Variants in SGCZ observed in about 807,000 individuals in gnomAD.
The protein encoded by SGCZ is zeta-sarcoglycan.
In SGCZ, 40 loss-of-function variants were observed where a neutral mutation model predicts 41.3. The ratio of observed to expected loss-of-function variants is 0.97; its 90% CI spans 0.75 to 1.26. The LOEUF (loss-of-function observed/expected upper bound fraction) is 1.26, where lower values mean the gene tolerates loss of function less well. SGCZ is among the 50% of genes most tolerant of loss of function. The pLI is 0.00. For synonymous variants in SGCZ, 206 were observed against 137.5 expected (o/e 1.50, Z -3.49); for missense variants, 552 against 369.8 (o/e 1.49, Z -4.04).
intron 1 of SGCZ, among the ~76,000 whole-genome samples, chr8:14,902,005 T>A (rs1798986143): frequency 6.6e-6 from 1 of 152,186 alleles, no homozygotes; most frequent in African/African-American, 2.4e-5. Context: ...ATATCACTAA[T>A]TGTAATTAAC....
intron 4 of SGCZ, among the ~76,000 whole-genome samples, chr8:14,174,227 T>G (rs2117006985): frequency 6.6e-6 from 1 of 152,226 alleles, no homozygotes; most frequent in South Asian, 2.1e-4. Flanking sequence ...AAAGACATAC[T>G]ATCAAACTAC....
intron 1 of SGCZ, among the ~76,000 whole-genome samples, chr8:14,973,839 T>A (rs535779812): frequency 6.6e-6 from 1 of 152,336 alleles, no homozygotes; most frequent in East Asian, 1.9e-4. Flanking sequence ...GGAGTTCTTG[T>A]TGATTTATTT....
chr8:14,707,886 G>C (rs145682869), intron 1 of SGCZ, among the ~76,000 whole-genome samples: 3,755 of 152,044 alleles, frequency 0.025, 69 homozygotes, highest in Non-Finnish European at 0.04. Context: ...ATTAACAATA[G>C]CATGCAATCA....
intron 4 of SGCZ, among the ~76,000 whole-genome samples, chr8:14,182,245 G>A (rs376550915): frequency 6.6e-6 from 1 of 152,290 alleles, no homozygotes; most frequent in Non-Finnish European, 1.5e-5. Flanking sequence ...AAGGGCATAT[G>A]TCCACTGATT....
chr8:15,048,400 T>C (rs1326004104), intron 1 of SGCZ, among the ~76,000 whole-genome samples: 10 of 151,978 alleles, frequency 6.6e-5, no homozygotes, highest in Non-Finnish European at 1.5e-4. Context: ...AAGGAATAAG[T>C]TCTAGTGTTC....
chr8:15,026,727 C>A (rs1803472025), intron 1 of SGCZ, among the ~76,000 whole-genome samples: 1 of 152,148 alleles, frequency 6.6e-6, no homozygotes, highest in Non-Finnish European at 1.5e-5. Flanking sequence ...CCATGAACAA[C>A]CCAGAATTGT....
chr8:14,695,019 G>C (rs533014630), intron 1 of SGCZ, among the ~76,000 whole-genome samples: 1 of 152,266 alleles, frequency 6.6e-6, no homozygotes, highest in South Asian at 2.1e-4. Context: ...AGGGATAAAA[G>C]AGCAGAGACT....
At chr8:14,197,586 A>G (rs1805306913) in intron 4 of SGCZ, among the ~76,000 whole-genome samples, 1 of 152,142 alleles carries the variant, frequency 6.6e-6, no homozygotes, top group Admixed American at 6.6e-5. Context: ...ACCTAGAGAA[A>G]AAGCTTCTGT....
chr8:14,832,682 A>G (rs1364648093), intron 1 of SGCZ, among the ~76,000 whole-genome samples: 1 of 152,180 alleles, frequency 6.6e-6, no homozygotes, highest in Non-Finnish European at 1.5e-5. Flanking sequence ...TCAGGGCCAG[A>G]GTATATGGGT....
At chr8:14,225,755 C>T (rs2054420) in intron 4 of SGCZ, among the ~76,000 whole-genome samples, 90,653 of 151,840 alleles carry the variant, frequency 0.6, 27,382 homozygotes, top group East Asian at 0.75. Context: ...CAATGATGGC[C>T]ACCTCAACTG....
intron 4 of SGCZ, among the ~76,000 whole-genome samples, chr8:14,185,334 C>G (rs775571990): frequency 6.6e-6 from 1 of 151,818 alleles, no homozygotes; most frequent in African/African-American, 2.4e-5. Flanking sequence ...ACCAGGGAGG[C>G]GTAGGTTGCA....
chr8:14,213,973 G>T (rs923667326), intron 4 of SGCZ, among the ~76,000 whole-genome samples: 3 of 152,016 alleles, frequency 2.0e-5, no homozygotes, highest in Non-Finnish European at 4.4e-5. Flanking sequence ...TGTTCAACAT[G>T]TTCATAGCAA....
intron 2 of SGCZ, among the ~76,000 whole-genome samples, chr8:14,544,599 C>T (rs1157622710): frequency 6.6e-6 from 1 of 152,016 alleles, no homozygotes; most frequent in Non-Finnish European, 1.5e-5. Flanking sequence ...ATGGGAATGT[C>T]TGTCTTGTGC....
intron 2 of SGCZ, among the ~76,000 whole-genome samples, chr8:14,479,000 G>C (rs1348875393): frequency 6.6e-6 from 1 of 152,124 alleles, no homozygotes; most frequent in Admixed American, 6.6e-5. Flanking sequence ...CTGTGACTAG[G>C]TCCTGTCTCC....
At chr8:14,338,567 T>C (rs1343561696) in intron 2 of SGCZ, among the ~76,000 whole-genome samples, 1 of 152,222 alleles carries the variant, frequency 6.6e-6, no homozygotes, top group Non-Finnish European at 1.5e-5. Flanking sequence ...TGCTCCCTGA[T>C]GGAATGTTAT....
intron 1 of SGCZ, among the ~76,000 whole-genome samples, chr8:14,790,214 C>A (rs529421827): frequency 6.6e-6 from 1 of 152,252 alleles, no homozygotes; most frequent in East Asian, 1.9e-4. Context: ...TTAAATATAT[C>A]ATTTACACGA....
intron 2 of SGCZ, among the ~76,000 whole-genome samples, chr8:14,477,718 C>G (rs35809409): frequency 5.9e-5 from 9 of 152,128 alleles, no homozygotes; most frequent in Non-Finnish European, 1.2e-4. Flanking sequence ...TAAGAATATG[C>G]TACTCCAGAC....
chr8:14,269,483 G>A (rs1292771306), intron 3 of SGCZ, among the ~76,000 whole-genome samples: 1 of 151,938 alleles, frequency 6.6e-6, no homozygotes, highest in Non-Finnish European at 1.5e-5. Context: ...AATATATGCA[G>A]CCCTCTGAAG....
rs1803838994 is a variant in SGCZ at position 14,551,528 on chromosome 8, TATATA to T, written c.234+3199_234+3203del. ...TATATTATATATATTATATATAATA[TATATA>T]ATATATATAATATATATAATATATA... On this transcript the variant is annotated intron_variant, in intron 2 of 7. Coordinates refer to ENST00000382080, the MANE Select transcript of SGCZ (RefSeq NM_139167.4). Among the ~76,000 whole-genome samples, 5 of 9,864 alleles carry T rather than the reference TATATA, an allele frequency of 5.1e-4. 1 individual carries two copies. Among genetic ancestry groups the T allele is most frequent in the African/African-American group, 2.2e-3 (4 of 1,784 alleles). The allele number at this position is 9,864 out of a possible 152,430, so 6.5% of individuals were successfully genotyped here. A position where few individuals can be genotyped will look rare whatever the true frequency, so the allele number is the denominator to read the frequency against.
Sources: gnomAD v4.1 joint callset for allele counts (sites outside exome capture counted in the v4.1 genomes callset) on GRCh38, gnomAD v4.1.1 for gene constraint, MANE v1.5 for transcripts, NCBI Gene and HGNC (gene_info 2026-07-23, HGNC 2026-07-21) for gene names.